The following FSHR variants were observed in gnomAD, a reference collection of about 807,000 sequenced individuals.
The protein encoded by FSHR is follicle stimulating hormone receptor.
FSHR carries 46 observed loss-of-function variants against 52.1 expected under a neutral mutation model. The ratio of observed to expected loss-of-function variants is 0.88; its 90% CI spans 0.70 to 1.13. FSHR has a LOEUF of 1.13. Among genes scored for constraint, FSHR ranks in the 50% most tolerant of loss-of-function variants. The probability of loss-of-function intolerance (pLI) is 0.00; values close to 1 mark genes in which losing one functional copy is unlikely to be tolerated. For missense variants in FSHR, 964 were observed against 834.6 expected, an observed-to-expected ratio of 1.16 and a Z score of -1.91; for synonymous variants, 399 against 309.6, an observed-to-expected ratio of 1.29 and a Z score of -3.03.
At chr2:49,014,386 C>A (rs573491095) in intron 4 of FSHR, among the ~76,000 whole-genome samples, 5 of 152,214 alleles carry the variant, frequency 3.3e-5, no homozygotes, top group East Asian at 1.9e-4. Context: ...CAAAGTGAGA[C>A]AGAAAGACAC....
intron 6 of FSHR, among the ~76,000 whole-genome samples, chr2:48,984,156 G>C (rs1420509966): frequency 6.6e-6 from 1 of 152,184 alleles, no homozygotes; most frequent in Non-Finnish European, 1.5e-5. Context: ...TGGGTAGCCA[G>C]AAAACACTTA....
intron 1 of FSHR, among the ~76,000 whole-genome samples, chr2:49,087,853 C>T (rs1242499320): frequency 6.6e-6 from 1 of 152,168 alleles, no homozygotes; most frequent in African/African-American, 2.4e-5. Flanking sequence ...ATAAGACAGA[C>T]ACATTTCCTT....
At chr2:49,033,133 C>A (rs577236307) in intron 2 of FSHR, among the ~76,000 whole-genome samples, 3 of 152,334 alleles carry the variant, frequency 2.0e-5, no homozygotes, top group Non-Finnish European at 1.5e-5. Flanking sequence ...TAGCAACTTG[C>A]TTTCCAATTA....
intron 4 of FSHR, among the ~76,000 whole-genome samples, chr2:48,995,681 A>G (rs1375527217): frequency 6.6e-6 from 1 of 152,104 alleles, no homozygotes; most frequent in Admixed American, 6.6e-5. Context: ...GAGCTGGCCC[A>G]TGTTTTCACC....
chr2:49,145,608 A>C (rs1672842189), intron 1 of FSHR, among the ~76,000 whole-genome samples: 1 of 152,062 alleles, frequency 6.6e-6, no homozygotes, highest in African/African-American at 2.4e-5. Flanking sequence ...TTAGTTGTCA[A>C]ATTAGTGATT....
At position 48,997,180 on chromosome 2, in the gene FSHR, T is replaced by C. The variant is rs148782002; in HGVS notation, c.375-6543A>G. On this transcript the variant is annotated intron_variant, in intron 4 of 9. Coordinates refer to ENST00000406846, the MANE Select transcript of FSHR (RefSeq NM_000145.4). ...GATAACACCAAACAGTTCACTTACC[T>C]TTTCAGAGTCTCAGTTTCTCTCTGT... The C allele has an allele frequency of 2.7e-5, 26 of 971,652 alleles. No homozygotes were observed. The East Asian group carries it at 2.5e-3, about 94-fold the overall frequency. The allele number at this position is 971,652 out of a possible 1,614,324, so 60.2% of individuals were successfully genotyped here. A position where few individuals can be genotyped will look rare whatever the true frequency, so the allele number is the denominator to read the frequency against.
chr2:48,973,266 A>ACACACGCACACG (rs146365090), intron 8 of FSHR, among the ~76,000 whole-genome samples: 10 of 151,096 alleles, frequency 6.6e-5, no homozygotes, highest in South Asian at 4.2e-4. Context: ...ACACACACAC[A>ACACACGCACACG]CACATGCACA....
intron 2 of FSHR, among the ~76,000 whole-genome samples, chr2:49,021,886 T>TATATATATAGAGAG (rs1273265515): frequency 1.3e-3 from 33 of 25,100 alleles, no homozygotes; most frequent in Admixed American, 2.2e-3. Context: ...TATATATATA[T>TATATATATAGAGAG]AGAGAGAGAG....
chr2:49,093,512 C>G (rs1487666519), intron 1 of FSHR, among the ~76,000 whole-genome samples: 1 of 151,112 alleles, frequency 6.6e-6, no homozygotes, highest in Non-Finnish European at 1.5e-5. Context: ...CTACAGCTAT[C>G]TTTTGATTTG....
At chr2:49,150,981 T>C (rs763309055) in intron 1 of FSHR, among the ~76,000 whole-genome samples, 7 of 152,122 alleles carry the variant, frequency 4.6e-5, no homozygotes, top group African/African-American at 2.4e-5. Context: ...GAAATTCAAA[T>C]TTCTGTGTTC....
At chr2:49,123,684 G>A (rs1371903767) in intron 1 of FSHR, among the ~76,000 whole-genome samples, 2 of 152,124 alleles carry the variant, frequency 1.3e-5, no homozygotes, top group African/African-American at 4.8e-5. Flanking sequence ...AAGGAATCAT[G>A]CCCTTCATGC....
intron 4 of FSHR, among the ~76,000 whole-genome samples, chr2:49,016,631 C>T (rs992825071): frequency 1.3e-5 from 2 of 152,142 alleles, no homozygotes; most frequent in East Asian, 3.9e-4. Flanking sequence ...GTCAGGCAGA[C>T]CTAGTCCAGA....
At chr2:49,067,356 A>G (rs1377015896) in intron 2 of FSHR, among the ~76,000 whole-genome samples, 1 of 152,116 alleles carries the variant, frequency 6.6e-6, no homozygotes, top group African/African-American at 2.4e-5. Context: ...AAAGGGATAT[A>G]AAAGAACCAA....
chr2:49,102,681 G>T (rs1183688465), intron 1 of FSHR, among the ~76,000 whole-genome samples: 1 of 152,086 alleles, frequency 6.6e-6, no homozygotes, highest in South Asian at 2.1e-4. Flanking sequence ...ATTTTTGAAT[G>T]GATTAGCTTC....
At position 49,020,124 on chromosome 2, in the gene FSHR, C is replaced by A. The variant is rs267599405; in HGVS notation, c.261G>T (p.Glu87Asp). ...TGGGAAGGTTGGAGAACACATCTGC[C>A]TCTATCACCTCCAAGACATCATTCT... ...ISQNDVLEVIEADVFSNLPKL... is the reference protein window; with the variant it reads ...ISQNDVLEVIDADVFSNLPKL... Residue 87 changes from glutamate to aspartate, a missense_variant, in exon 3 of 10, where the codon GAG becomes GAT. By Grantham distance (45) the Glu-to-Asp change is conservative. Transcript: ENST00000406846. The A allele has an allele frequency of 6.2e-7, 1 of 1,613,734 alleles. No individual in the cohort carries two copies. The highest frequency in any genetic ancestry group is 8.5e-7 in the Non-Finnish European group (1 of 1,179,712).
At chr2:49,097,922 A>G (rs1460137389) in intron 1 of FSHR, among the ~76,000 whole-genome samples, 1 of 151,536 alleles carries the variant, frequency 6.6e-6, no homozygotes, top group African/African-American at 2.4e-5. Flanking sequence ...TTTTTATCTT[A>G]TAAATTTATA....
intron 1 of FSHR, among the ~76,000 whole-genome samples, chr2:49,104,831 C>G (rs971360583): frequency 7.1e-6 from 1 of 141,302 alleles, no homozygotes; most frequent in South Asian, 2.6e-4. Flanking sequence ...CCAGTGCCCC[C>G]TCTTGGTATG....
In FSHR at chr2:49,068,206, G is replaced by C; in HGVS notation, c.224+13C>G. On this transcript the variant is annotated intron_variant, in intron 2 of 9. Coordinates refer to ENST00000406846, the MANE Select transcript of FSHR (RefSeq NM_000145.4). The stretch of plus-strand genomic sequence containing the variant: ...CCTTGAGGCATTCACTCACAGCAGT[G>C]CTAGGTACATACATTTTCTCCAGGT... The C allele has an allele frequency of 6.2e-7, 1 of 1,604,430 alleles. No individual in the cohort carries two copies. Among genetic ancestry groups the C allele is most frequent in the Non-Finnish European group, 8.5e-7 (1 of 1,173,300 alleles).
intron 1 of FSHR, among the ~76,000 whole-genome samples, chr2:49,103,018 G>A (rs181244901): frequency 2.6e-5 from 4 of 151,796 alleles, no homozygotes; most frequent in Admixed American, 6.6e-5. Context: ...AATCTTCCCC[G>A]CCTTCCCCCA....
Sources: gnomAD v4.1 joint callset for allele counts (sites outside exome capture counted in the v4.1 genomes callset) on GRCh38, gnomAD v4.1.1 for gene constraint, MANE v1.5 for transcripts, NCBI Gene and HGNC (gene_info 2026-07-23, HGNC 2026-07-21) for gene names.